The following CLIC5 variants were observed in gnomAD, a reference collection of about 807,000 sequenced individuals.
The protein encoded by CLIC5 is chloride intracellular channel protein 5.
In CLIC5, 20 loss-of-function variants were observed where a neutral mutation model predicts 24.7. The observed-to-expected ratio is 0.81, with a 90% CI of 0.57 to 1.18. CLIC5 has a LOEUF of 1.18. CLIC5 is among the 50% of genes most tolerant of loss of function. CLIC5 has a pLI of 0.00. For synonymous variants in CLIC5, 159 were observed against 135.6 expected, an observed-to-expected ratio of 1.17 and a Z score of -1.20; for missense variants, 341 against 326.1, an observed-to-expected ratio of 1.05 and a Z score of -0.35.
At chr6:45,939,217 CTTTTTTTTTTT>C (rs34976541) in intron 4 of CLIC5, among the ~76,000 whole-genome samples, 8 of 115,782 alleles carry the variant, frequency 6.9e-5, no homozygotes, top group Non-Finnish European at 8.4e-5. Context: ...CTCCTCTCCT[CTTTTTTTTTTT>C]TTTTTTTTTT....
intron 1 of CLIC5, among the ~76,000 whole-genome samples, chr6:46,078,960 A>G (rs1762846942): frequency 6.6e-6 from 1 of 152,194 alleles, no homozygotes; most frequent in Admixed American, 6.6e-5. Flanking sequence ...AATAAATGTG[A>G]AAACATTTCT....
intron 1 of CLIC5, 32 bp from the exon 2 acceptor site, chr6:45,955,276 G>T: frequency 6.5e-7 from 1 of 1,529,842 alleles, no homozygotes; most frequent in Non-Finnish European, 9.0e-7. Context: ...TCCTGAGTGG[G>T]CAGGTGCAAT....
chr6:46,090,237 A>G, the CLIC5 span, among the ~76,000 whole-genome samples: 4 of 152,238 alleles, frequency 2.6e-5, no homozygotes. Context: ...AGAAGGGATC[A>G]GGTGTGAAAT....
chr6:45,918,350 G>A (rs972033109), intron 4 of CLIC5, among the ~76,000 whole-genome samples: 2 of 152,114 alleles, frequency 1.3e-5, no homozygotes, highest in Non-Finnish European at 2.9e-5. Flanking sequence ...TTCTTACCAG[G>A]GCATGGAGGC....
At chr6:46,072,731 G>T (rs144259549) in intron 1 of CLIC5, among the ~76,000 whole-genome samples, 1 of 152,188 alleles carries the variant, frequency 6.6e-6, no homozygotes, top group African/African-American at 2.4e-5. Flanking sequence ...GTGCTAAAAG[G>T]CTTAGAAAAG....
chr6:45,954,872 T>G (rs1764591222), intron 2 of CLIC5, among the ~76,000 whole-genome samples: 2 of 152,220 alleles, frequency 1.3e-5, no homozygotes. Context: ...ACCAGAAACT[T>G]AGTTGCAATG....
At chr6:46,073,528 C>T (rs1006537518) in intron 1 of CLIC5, among the ~76,000 whole-genome samples, 1 of 152,210 alleles carries the variant, frequency 6.6e-6, no homozygotes, top group Non-Finnish European at 1.5e-5. Context: ...TGAAACAAAG[C>T]ATGATGTCTG....
chr6:45,981,776 G>A (rs1259047741), intron 1 of CLIC5, among the ~76,000 whole-genome samples: 1 of 152,154 alleles, frequency 6.6e-6, no homozygotes, highest in East Asian at 1.9e-4. Flanking sequence ...AGGCCAAGGA[G>A]GGTGGATCAC....
At chr6:45,933,240 G>A (rs915007551) in intron 4 of CLIC5, among the ~76,000 whole-genome samples, 1 of 152,206 alleles carries the variant, frequency 6.6e-6, no homozygotes, top group Non-Finnish European at 1.5e-5. Flanking sequence ...TTGGGAACCA[G>A]GAGGTGGTGG....
At position 45,903,236 on chromosome 6, in the gene CLIC5, C is replaced by A; in HGVS notation, c.608G>T (p.Arg203Leu). The A allele has an allele frequency of 6.3e-7, 1 of 1,598,286 alleles. No homozygotes were observed. The highest frequency in any genetic ancestry group is 8.5e-7 in the Non-Finnish European group (1 of 1,172,834). The stretch of plus-strand genomic sequence containing the variant: ...CATCTCAGCCGGGATATCATAGTTG[C>A]GGTATTTCTTGGCCACAATCTAAAA... ...HVVKIVAKKYRNYDIPAEMTG... is the reference protein window; with the variant it reads ...HVVKIVAKKYLNYDIPAEMTG... Residue 203 changes from arginine to leucine, a missense_variant, in exon 6 of 6, where the codon CGC becomes CTC. Arg to Leu is a moderately radical substitution (Grantham distance 102, BLOSUM62 -2). Transcript: ENST00000339561.
chr6:45,894,054 T>A (rs1762373847), downstream of CLIC5, among the ~76,000 whole-genome samples: 2 of 152,140 alleles, frequency 1.3e-5, no homozygotes, highest in South Asian at 4.2e-4. Context: ...CACACTTGTG[T>A]CTAAGAGAGA....
At position 45,957,229 on chromosome 6, in the gene CLIC5, T is replaced by TG. The variant is rs199612565; in HGVS notation, c.64-1986_64-1985insC. On this transcript the variant is annotated intron_variant, in intron 1 of 5. Coordinates refer to ENST00000339561, the MANE Select transcript of CLIC5 (RefSeq NM_016929.5). ...CAAAATAGTGGACTTCTCAACTACA[T>TG]AAAAAATTCATATAATAATAATGTT... Among the ~76,000 whole-genome samples, 892 of 152,264 alleles carry TG rather than the reference T, an allele frequency of 5.9e-3. 6 individuals carry two copies. The highest frequency in any genetic ancestry group is 0.02 in the African/African-American group (847 of 41,548).
At chr6:45,887,913 G>GA (rs1402838485) in intron 6 of CLIC5, among the ~76,000 whole-genome samples, 1 of 152,220 alleles carries the variant, frequency 6.6e-6, no homozygotes, top group Non-Finnish European at 1.5e-5. Context: ...AAAGGAGGAA[G>GA]AAAAATCAAT....
rs114416064 is a variant in CLIC5, at chr6:45,961,526, A to G, written c.64-6282T>C. On this transcript the variant is annotated intron_variant, in intron 1 of 5. Coordinates refer to ENST00000339561, the MANE Select transcript of CLIC5 (RefSeq NM_016929.5). ...AAGTGGCAAAGGCCACATGAAAAGG[A>G]CTTTCTTTAAACATAATAGCTCATT... 7.4e-3 allele frequency among the ~76,000 whole-genome samples: 1,123 copies of G among 152,360 alleles called. 19 individuals carry two copies. The highest frequency in any genetic ancestry group is 0.028 in the Admixed American group (432 of 15,300).
chr6:45,922,180 T>G (rs1428878214), intron 4 of CLIC5, among the ~76,000 whole-genome samples: 1 of 152,176 alleles, frequency 6.6e-6, no homozygotes, highest in Admixed American at 6.5e-5. Flanking sequence ...GAGGGGAGGA[T>G]GAATTAAATG....
intron 5 of CLIC5, among the ~76,000 whole-genome samples, chr6:45,908,837 G>A (rs540836498): frequency 3.3e-5 from 5 of 152,222 alleles, no homozygotes; most frequent in Admixed American, 1.3e-4. Context: ...TTAGTTTTCT[G>A]CCTCGAAGAT....
chr6:46,047,123 G>A (rs1473417712), intron 1 of CLIC5, among the ~76,000 whole-genome samples: 1 of 152,172 alleles, frequency 6.6e-6, no homozygotes, highest in African/African-American at 2.4e-5. Flanking sequence ...TTTCATTACA[G>A]CTTTCCCTCT....
intron 1 of CLIC5, among the ~76,000 whole-genome samples, chr6:45,967,311 C>T (rs1765048858): frequency 1.3e-5 from 2 of 152,096 alleles, no homozygotes; most frequent in South Asian, 4.1e-4. Flanking sequence ...AGACATGGTC[C>T]CTCTCTTGAG....
At chr6:46,089,345 C>A in the CLIC5 span, among the ~76,000 whole-genome samples, 2 of 151,930 alleles carry the variant, frequency 1.3e-5, no homozygotes, top group African/African-American at 4.8e-5. Flanking sequence ...TGACCTTGGG[C>A]ACAATCATCT....
Sources: allele counts gnomAD v4.1 joint callset (sites outside exome capture counted in the v4.1 genomes callset), GRCh38; gene constraint gnomAD v4.1.1; transcripts MANE v1.5; gene names NCBI Gene and HGNC (gene_info 2026-07-23, HGNC 2026-07-21).